Variants in HHAT observed in about 807,000 individuals in gnomAD.
HHAT encodes the protein protein-cysteine N-palmitoyltransferase HHAT.
HHAT carries 47 observed loss-of-function variants against 70.8 expected under a neutral mutation model. The observed-to-expected ratio is 0.66, with a 90% CI of 0.53 to 0.85. The LOEUF (loss-of-function observed/expected upper bound fraction) is 0.85. HHAT is among the 40% of genes least tolerant of loss of function. The probability of loss-of-function intolerance (pLI) is 0.00; values close to 1 mark genes in which losing one functional copy is unlikely to be tolerated. For synonymous variants in HHAT, 228 were observed against 247.6 expected, an observed-to-expected ratio of 0.92 and a Z score of 0.74; for missense variants, 609 against 604.8, an observed-to-expected ratio of 1.01 and a Z score of -0.07.
At chr1:210,500,902 C>T (rs148009195) in intron 8 of HHAT, among the ~76,000 whole-genome samples, 61 of 152,320 alleles carry the variant, frequency 4.0e-4, no homozygotes, top group African/African-American at 1.3e-3. Context: ...TGACATATTA[C>T]CTGGGAAGTA....
At chr1:210,646,772 G>T (rs1674145812) in intron 11 of HHAT, among the ~76,000 whole-genome samples, 2 of 152,206 alleles carry the variant, frequency 1.3e-5, no homozygotes, top group South Asian at 4.2e-4. Context: ...GTATAAAAAT[G>T]ATTATGAACT....
At chr1:210,452,462 A>T (rs1481848190) in intron 7 of HHAT, among the ~76,000 whole-genome samples, 1 of 152,232 alleles carries the variant, frequency 6.6e-6, no homozygotes, top group African/African-American at 2.4e-5. Flanking sequence ...AGGTTCAACA[A>T]TTATCAACTC....
At chr1:210,509,228 A>G (rs987676150) in intron 8 of HHAT, among the ~76,000 whole-genome samples, 7 of 152,254 alleles carry the variant, frequency 4.6e-5, no homozygotes, top group African/African-American at 1.4e-4. Flanking sequence ...AATATTTGCA[A>G]TTATACTAGT....
chr1:210,386,222 C>CTTTTTTCTTTT (rs1558409107), intron 3 of HHAT, among the ~76,000 whole-genome samples: 11 of 69,886 alleles, frequency 1.6e-4, no homozygotes, highest in African/African-American at 5.3e-4. Flanking sequence ...GAGTCCTTTT[C>CTTTTTTCTTTT]TTTTTTTCTT....
intron 8 of HHAT, among the ~76,000 whole-genome samples, chr1:210,496,874 A>C (rs539908749): frequency 6.6e-6 from 1 of 152,324 alleles, no homozygotes; most frequent in East Asian, 1.9e-4. Context: ...TCCTTTCAGA[A>C]TCCTTCTGTC....
intron 11 of HHAT, among the ~76,000 whole-genome samples, chr1:210,651,534 C>A (rs143959407): frequency 6.6e-6 from 1 of 152,138 alleles, no homozygotes; most frequent in Non-Finnish European, 1.5e-5. Context: ...GGGTACCCTG[C>A]GGCTTACGAT....
At chr1:210,374,571 A>G (rs76842089) in intron 3 of HHAT, among the ~76,000 whole-genome samples, 9,709 of 152,224 alleles carry the variant, frequency 0.064, 356 homozygotes, top group South Asian at 0.094. Flanking sequence ...AGGCCATGCT[A>G]GCTGAGTTCT....
chr1:210,431,766 C>T (rs923060472), intron 7 of HHAT, among the ~76,000 whole-genome samples: 4 of 151,792 alleles, frequency 2.6e-5, no homozygotes, highest in Admixed American at 2.0e-4. Flanking sequence ...ATGAAATTCC[C>T]TTTCCAATGG....
At chr1:210,644,201 C>T (rs1474663630) in intron 11 of HHAT, among the ~76,000 whole-genome samples, 1 of 152,234 alleles carries the variant, frequency 6.6e-6, no homozygotes, top group African/African-American at 2.4e-5. Flanking sequence ...TCTCCTGACT[C>T]TCAGACCAAT....
chr1:210,637,753 G>A (rs918603249), intron 11 of HHAT, among the ~76,000 whole-genome samples: 14 of 151,934 alleles, frequency 9.2e-5, no homozygotes, highest in Non-Finnish European at 1.8e-4. Flanking sequence ...CCAGCTACTC[G>A]GGAGGCTGAG....
chr1:210,336,711 G>A (rs2147923517), intron 1 of HHAT, among the ~76,000 whole-genome samples: 1 of 152,202 alleles, frequency 6.6e-6, no homozygotes, highest in South Asian at 2.1e-4. Context: ...TTGAGCCCAG[G>A]AATTTGAGGC....
intron 11 of HHAT, among the ~76,000 whole-genome samples, chr1:210,668,941 T>C (rs1679505071): frequency 6.6e-6 from 1 of 152,006 alleles, no homozygotes; most frequent in Admixed American, 6.6e-5. Flanking sequence ...ACCCCGCTAA[T>C]TTTTTGTATT....
intron 8 of HHAT, among the ~76,000 whole-genome samples, chr1:210,489,787 T>C (rs1338658148): frequency 6.6e-6 from 1 of 152,222 alleles, no homozygotes; most frequent in African/African-American, 2.4e-5. Flanking sequence ...TACCTTTGGA[T>C]ACATGCCTTT....
intron 4 of HHAT, among the ~76,000 whole-genome samples, chr1:210,395,440 A>ATG: frequency 2.9e-5 from 1 of 33,902 alleles, no homozygotes; most frequent in African/African-American, 7.6e-5. Flanking sequence ...ACTGACACCA[A>ATG]TCCTTGGAGC....
intron 11 of HHAT, among the ~76,000 whole-genome samples, chr1:210,669,189 T>C (rs1449728838): frequency 6.6e-6 from 1 of 152,244 alleles, no homozygotes; most frequent in Non-Finnish European, 1.5e-5. Flanking sequence ...TGATGCTCTT[T>C]TCCGTCAGTA....
chr1:210,428,319 T>C (rs1474186778), intron 7 of HHAT, among the ~76,000 whole-genome samples: 1 of 41,972 alleles, frequency 2.4e-5, no homozygotes, highest in Non-Finnish European at 5.8e-5. Flanking sequence ...TATATATATA[T>C]ATATATATAT....
At chr1:210,561,904 A>G (rs932381510) in intron 9 of HHAT, among the ~76,000 whole-genome samples, 4 of 152,158 alleles carry the variant, frequency 2.6e-5, no homozygotes, top group Admixed American at 6.5e-5. Context: ...ATTTTCCTCA[A>G]TGTGTCCAGC....
At chr1:210,589,709 A>G (rs919308289) in intron 10 of HHAT, 3 of 152,170 alleles carry the variant, frequency 2.0e-5, no homozygotes, top group South Asian at 2.1e-4. Flanking sequence ...GAGTAACCCA[A>G]CTGTGCCATG....
At chr1:210,424,586 C>A (rs2093004972) in intron 7 of HHAT, among the ~76,000 whole-genome samples, 1 of 151,226 alleles carries the variant, frequency 6.6e-6, no homozygotes, top group Admixed American at 6.6e-5. Flanking sequence ...TGATCTTTTC[C>A]CTCCTCCCAC....
Sources: gnomAD v4.1 joint callset for allele counts (sites outside exome capture counted in the v4.1 genomes callset) on GRCh38, gnomAD v4.1.1 for gene constraint, MANE v1.5 for transcripts, NCBI Gene and HGNC (gene_info 2026-07-23, HGNC 2026-07-21) for gene names.